The following SLC16A7 variants were observed in gnomAD, a reference collection of about 807,000 sequenced individuals.
The protein encoded by SLC16A7 is monocarboxylate transporter 2.
Under a neutral mutation model 34.9 loss-of-function variants are expected in SLC16A7, and 33 were observed. That is an observed-to-expected ratio of 0.94 (90% CI 0.72 to 1.26). SLC16A7 has a LOEUF of 1.26. Among genes scored for constraint, SLC16A7 ranks in the 50% most tolerant of loss-of-function variants. The pLI, the probability that SLC16A7 is intolerant of heterozygous loss-of-function variation, is 0.00. For synonymous variants in SLC16A7, 201 were observed against 206.6 expected (o/e 0.97, Z 0.23); for missense variants, 573 against 578.1 (o/e 0.99, Z 0.09).
intron 3 of SLC16A7, among the ~76,000 whole-genome samples, chr12:59,732,335 G>T (rs1345631158): frequency 6.6e-6 from 1 of 152,080 alleles, no homozygotes; most frequent in East Asian, 1.9e-4. Context: ...CAGAAGAATT[G>T]CTTGAACCTG....
chr12:59,638,061 G>C (rs1190027368), intron 1 of SLC16A7, among the ~76,000 whole-genome samples: 3 of 152,060 alleles, frequency 2.0e-5, no homozygotes, highest in African/African-American at 7.2e-5. Context: ...TTCTGTTATA[G>C]CAGTACAAAA....
intron 1 of SLC16A7, among the ~76,000 whole-genome samples, chr12:59,613,089 G>A (rs1224704114): frequency 6.6e-6 from 1 of 152,154 alleles, no homozygotes; most frequent in African/African-American, 2.4e-5. Context: ...TTCTGGACTG[G>A]GTAATTTATA....
At chr12:59,640,205 G>T (rs1880616866) in intron 1 of SLC16A7, among the ~76,000 whole-genome samples, 1 of 152,048 alleles carries the variant, frequency 6.6e-6, no homozygotes, top group Non-Finnish European at 1.5e-5. Flanking sequence ...AATTTAAATG[G>T]TTGTAAGGAA....
chr12:59,739,111 T>C (rs1877975909), intron 3 of SLC16A7, among the ~76,000 whole-genome samples: 3 of 151,672 alleles, frequency 2.0e-5, no homozygotes, highest in Admixed American at 2.0e-4. Flanking sequence ...GTTACATGTG[T>C]ATACCTGTGC....
chr12:59,679,578 A>T (rs1237708408), intron 2 of SLC16A7, among the ~76,000 whole-genome samples: 1 of 152,158 alleles, frequency 6.6e-6, no homozygotes, highest in Non-Finnish European at 1.5e-5. Context: ...CCCCTTAGAA[A>T]TCTGAACTTA....
intron 3 of SLC16A7, among the ~76,000 whole-genome samples, chr12:59,765,965 G>A (rs1273738428): frequency 6.6e-6 from 1 of 152,140 alleles, no homozygotes; most frequent in African/African-American, 2.4e-5. Flanking sequence ...CTACCCGTGA[G>A]CATGGAATGT....
intron 1 of SLC16A7, among the ~76,000 whole-genome samples, chr12:59,611,669 G>A (rs887534760): frequency 2.0e-5 from 3 of 152,142 alleles, no homozygotes; most frequent in African/African-American, 4.8e-5. Flanking sequence ...TTCTGTCTAT[G>A]AGCCTGTAAA....
intron 1 of SLC16A7, among the ~76,000 whole-genome samples, chr12:59,610,828 G>A (rs1371236709): frequency 6.6e-6 from 1 of 152,224 alleles, no homozygotes; most frequent in African/African-American, 2.4e-5. Context: ...CTAACTGTGA[G>A]GCAGTTGAGC....
intron 2 of SLC16A7, among the ~76,000 whole-genome samples, chr12:59,698,782 C>T (rs1872580406): frequency 6.6e-6 from 1 of 151,702 alleles, no homozygotes; most frequent in Admixed American, 6.6e-5. Flanking sequence ...CATGGATGCT[C>T]TTTATAGGCC....
intron 1 of SLC16A7, among the ~76,000 whole-genome samples, chr12:59,615,644 A>G (rs1474685589): frequency 1.3e-5 from 2 of 152,162 alleles, no homozygotes; most frequent in Non-Finnish European, 2.9e-5. Flanking sequence ...CAGCAAAGTT[A>G]CCAGGCATTC....
chr12:59,732,386 C>T (rs1205305249), intron 3 of SLC16A7, among the ~76,000 whole-genome samples: 1 of 152,168 alleles, frequency 6.6e-6, no homozygotes, highest in African/African-American at 2.4e-5. Context: ...CGCCACTGCA[C>T]TCCAGCCTGG....
chr12:59,678,065 G>C (rs1039530431), intron 2 of SLC16A7, among the ~76,000 whole-genome samples: 2 of 152,190 alleles, frequency 1.3e-5, no homozygotes, highest in Non-Finnish European at 2.9e-5. Context: ...ACATGTGAGT[G>C]AGCAAGTGTG....
chr12:59,728,429 G>A (rs893849896), intron 3 of SLC16A7, among the ~76,000 whole-genome samples: 30 of 152,196 alleles, frequency 2.0e-4, no homozygotes, highest in African/African-American at 6.3e-4. Context: ...AACTAAGATG[G>A]CAAATGATCA....
intron 1 of SLC16A7, among the ~76,000 whole-genome samples, chr12:59,654,620 A>G (rs1022586822): frequency 3.3e-5 from 5 of 151,840 alleles, no homozygotes; most frequent in African/African-American, 7.2e-5. Flanking sequence ...TTAAGACATT[A>G]ATGTAAATAG....
chr12:59,667,959 C>T (rs532831951), intron 2 of SLC16A7, among the ~76,000 whole-genome samples: 91 of 152,356 alleles, frequency 6.0e-4, no homozygotes, highest in Middle Eastern at 3.4e-3. Context: ...TCAGAGAGGA[C>T]AAGCCCCAAG....
chr12:59,719,967 A>G lies in SLC16A7; in HGVS notation c.217+14949A>G, dbSNP rs370913063. 6 of 623,116 alleles carry G rather than the reference A, an allele frequency of 9.6e-6. No individual in the cohort carries two copies. The East Asian group carries it at 1.7e-4, about 18-fold the overall frequency. 38.6% of individuals were successfully genotyped at this position (623,116 alleles called of 1,614,324 possible). A position where few individuals can be genotyped will look rare whatever the true frequency, so the allele number is the denominator to read the frequency against. ...AAACATGCTAATCTTCTAAGTAAAT[A>G]TTGGAAACAGGATGCATACCTGGGT... is the stretch of plus-strand genomic sequence containing the variant. On this transcript the variant is annotated intron_variant, in intron 3 of 5. Coordinates refer to ENST00000547379, the MANE Select transcript of SLC16A7 (RefSeq NM_001270623.2).
At chr12:59,664,892 T>TAA (rs1869067228) in intron 2 of SLC16A7, 1 of 152,180 alleles carries the variant, frequency 6.6e-6, no homozygotes, top group Non-Finnish European at 1.5e-5. Context: ...GCCTCTCTTC[T>TAA]TAGCCCTGAG....
chr12:59,755,541 C>A (rs1048783859), intron 3 of SLC16A7, among the ~76,000 whole-genome samples: 13 of 152,066 alleles, frequency 8.5e-5, no homozygotes, highest in South Asian at 6.2e-4. Flanking sequence ...TAGGAATCCA[C>A]CTTACAAGGG....
chr12:59,665,183 G>C (rs1036962041), intron 2 of SLC16A7, among the ~76,000 whole-genome samples: 2 of 152,014 alleles, frequency 1.3e-5, no homozygotes, highest in East Asian at 3.8e-4. Context: ...AAGTTTTTAT[G>C]AAACTATCAA....
Sources: gnomAD v4.1 joint callset for allele counts (sites outside exome capture counted in the v4.1 genomes callset) on GRCh38, gnomAD v4.1.1 for gene constraint, MANE v1.5 for transcripts, NCBI Gene and HGNC (gene_info 2026-07-23, HGNC 2026-07-21) for gene names.